The following SPTA1 variants were observed in gnomAD, a reference collection of about 807,000 sequenced individuals.
The protein encoded by SPTA1 is spectrin alpha, erythrocytic 1, also known as spectrin alpha chain, erythrocytic 1.
SPTA1 carries 177 observed loss-of-function variants against 324.7 expected under a neutral mutation model. That is an observed-to-expected ratio of 0.55 (90% CI 0.48 to 0.62). SPTA1 has a LOEUF of 0.62. Among genes scored for constraint, SPTA1 ranks in the 20% least tolerant of loss-of-function variants. SPTA1 has a pLI of 0.00. For synonymous variants in SPTA1, 1,195 were observed against 1,041.3 expected (o/e 1.15, Z -2.84); for missense variants, 3,162 against 2,883.6 (o/e 1.10, Z -2.21).
At position 158,666,520 on chromosome 1, in the gene SPTA1, AG is replaced by A. The variant is rs1282311199; in HGVS notation, c.2039-24del. On this transcript the variant is annotated intron_variant, in intron 15 of 51. Transcript: ENST00000643759. The stretch of plus-strand genomic sequence containing the variant: ...TCCCTGGGAGAAGACATAAGGTAGA[AG>A]ACATTAGGTACCATAACTATTCCTC... 3 of 1,598,822 alleles carry A rather than the reference AG, an allele frequency of 1.9e-6. No homozygotes were observed. The South Asian group carries it at 3.3e-5, about 18-fold the overall frequency.
In SPTA1 at chr1:158,662,896, C is replaced by T. The variant is rs1471399059; in HGVS notation, c.2270G>A (p.Gly757Asp). The T allele has an allele frequency of 3.1e-6, 5 of 1,613,906 alleles. No individual in the cohort carries two copies. The highest frequency in any genetic ancestry group is 3.4e-6 in the Non-Finnish European group (4 of 1,179,964). ...CCTTATATCCTTAGAATCAGGATGG[C>T]CTATTTCTTCAAAATATGCAGCCAG... ...TDLAAYFEEI[G>D]HPDSKDIRAR... The change falls in exon 17 of 52, where the codon GGC becomes GAC. Residue 757 changes from glycine (G) to aspartate (D), a missense_variant. Coordinates refer to ENST00000643759, the MANE Select transcript of SPTA1 (RefSeq NM_003126.4).
chr1:158,669,422 C>A lies in SPTA1; in HGVS notation c.1819G>T (p.Asp607Tyr). The A allele has an allele frequency of 6.2e-7, 1 of 1,614,124 alleles. No homozygotes were observed. Among genetic ancestry groups the A allele is most frequent in the Non-Finnish European group, 8.5e-7 (1 of 1,179,974 alleles). ...WINKKKKLAD[D>Y]EDYKDIQNLK... ...ACTCTGCCTACCTTGTAATCTTCAT[C>A]ATCTGCCAACTTTTTCTTCTTGTTG... Residue 607 changes from aspartate (D) to tyrosine (Y), a missense_variant, in exon 14 of 52, where the codon GAT (aspartate) becomes TAT (tyrosine). Physicochemically the swap from Asp to Tyr is radical, Grantham distance 160 (BLOSUM62 -3). Transcript: ENST00000643759.
At position 158,612,990 on chromosome 1, in the gene SPTA1, C is replaced by A. The variant is rs762456478; in HGVS notation, c.6990-29G>T. On this transcript the variant is annotated intron_variant, in intron 50 of 51. Coordinates refer to ENST00000643759, the MANE Select transcript of SPTA1 (RefSeq NM_003126.4). ...TGGGAGAAATGGATCAGGAGCTGAG[C>A]CTTCTCAAGGCAGAGAAGGAAGTCC... The A allele has an allele frequency of 1.9e-6, 3 of 1,612,498 alleles. No individual in the cohort carries two copies. The African/African-American group carries it at 4.0e-5, about 22-fold the overall frequency.
At chr1:158,622,410 T>C (rs1649975281) in intron 43 of SPTA1, among the ~76,000 whole-genome samples, 1 of 152,104 alleles carries the variant, frequency 6.6e-6, no homozygotes, top group Non-Finnish European at 1.5e-5. Context: ...CAACCATACA[T>C]ATTTATATGA....
intron 8 of SPTA1, among the ~76,000 whole-genome samples, chr1:158,674,982 C>T (rs1261978422): frequency 1.3e-5 from 2 of 152,038 alleles, no homozygotes; most frequent in Non-Finnish European, 2.9e-5. Context: ...GAGTAAGGTG[C>T]TCATAATGCA....
intron 43 of SPTA1, among the ~76,000 whole-genome samples, chr1:158,621,466 C>T (rs1649908543): frequency 6.6e-6 from 1 of 152,144 alleles, no homozygotes. Flanking sequence ...GACCTCTACA[C>T]AGAAAGGACA....
intron 10 of SPTA1, 61 bp downstream of exon 10, chr1:158,674,268 G>T: frequency 7.0e-7 from 1 of 1,436,950 alleles, no homozygotes; most frequent in Non-Finnish European, 9.8e-7. Context: ...ATATTATTGT[G>T]AGATTATGTA....
chr1:158,674,489 T>C (rs754054158), intron 9 of SPTA1, 51 bp downstream of exon 9: 1 of 1,614,068 alleles, frequency 6.2e-7, no homozygotes, highest in South Asian at 1.1e-5. Context: ...TTTCTGGCAT[T>C]CAGCCAAATA....
Position 158,683,501 on chromosome 1 carries a change from A to G in SPTA1, c.265-5T>C, listed in dbSNP as rs1203584782. 2 of 1,612,814 alleles carry G rather than the reference A, an allele frequency of 1.2e-6. No homozygotes were observed. Among genetic ancestry groups the G allele is most frequent in the Non-Finnish European group, 8.5e-7 (1 of 1,179,254 alleles). On this transcript the variant is annotated splice_polypyrimidine_tract_variant and splice_region_variant and intron_variant, in intron 2 of 51. Transcript: ENST00000643759. ...TTGATGCTTCTGATATTTCCCCTAA[A>G]GTTTAGAAATCAGAGTTTTTGTCTA... is the stretch of plus-strand genomic sequence containing the variant.
rs1652418134 is a variant in SPTA1, at chr1:158,651,375, T to C, written c.3469A>G (p.Ile1157Val). The C allele has an allele frequency of 6.2e-7, 1 of 1,613,104 alleles. No individual in the cohort carries two copies. Among genetic ancestry groups the C allele is most frequent in the Non-Finnish European group, 8.5e-7 (1 of 1,179,112 alleles). ...GAGGGAGCCTTAGTTACCTGCCGGA[T>C]TTGAGCTCCTTCTGGTGTTAGAAGT... ...EGLLTPEGAQ[I>V]RQELNSRWGS... is the part of the protein sequence containing the mutation. Residue 1157 changes from isoleucine (I) to valine (V), a missense_variant, in exon 24 of 52, where the codon ATC becomes GTC. By Grantham distance (29) the Ile-to-Val change is conservative. Transcript: ENST00000643759.
rs777062000 is a variant in SPTA1 at position 158,662,826 on chromosome 1, C to T, written c.2340G>A (p.Glu780=). 4.0e-5 allele frequency: 65 copies of T among 1,613,970 alleles called. No homozygotes were observed. In the South Asian group the frequency reaches 7.0e-4, roughly 17 times the overall value. ...GCTTCTTCTTTCGGGTGGCCAGTGG[C>T]TCTTTCAGAGCTTCAAATCGGCATA... The part of the protein sequence containing the change: ...SLVCRFEALK[E]PLATRKKKLL... Residue 780 remains glutamate (E), a synonymous_variant, in exon 17 of 52, where the codon GAG becomes GAA. Transcript: ENST00000643759.
rs1433001089 is a variant in SPTA1 at position 158,645,519 on chromosome 1, T to C, written c.3972A>G (p.Ile1324Met). The C allele has an allele frequency of 2.5e-6, 4 of 1,614,006 alleles. No individual in the cohort carries two copies. The highest frequency in any genetic ancestry group is 3.4e-6 in the Non-Finnish European group (4 of 1,179,932). ...CCTGATGTCTCTCCAGCAAGATCTC[T>C]ATGCCAGTTAAGTCTTCGGCCAGCT... Reference protein sequence around the residue: ...SQELAEDLTGIEILLERHQEH... With the variant: ...SQELAEDLTGMEILLERHQEH... The change falls in exon 28 of 52, where the codon ATA becomes ATG. Residue 1324 changes from isoleucine (I) to methionine (M), a missense_variant. Transcript: ENST00000643759.
At chr1:158,664,174 C>T (rs56297207) in intron 16 of SPTA1, among the ~76,000 whole-genome samples, 11,716 of 152,104 alleles carry the variant, frequency 0.077, 1,549 homozygotes, top group African/African-American at 0.27. Flanking sequence ...AATCCCATTA[C>T]GGGGTATATA....
At chr1:158,685,394 A>T (rs374892504) in intron 1 of SPTA1, 47 bp from the exon 2 acceptor site, 1 of 1,606,038 alleles carries the variant, frequency 6.2e-7, no homozygotes, top group African/African-American at 1.3e-5. Context: ...CAAATATTTA[A>T]CATGTTGCCC....
rs903407086 is a variant in SPTA1 at position 158,653,481 on chromosome 1, G to GGA, written c.3037-58_3037-57dup. 88 of 1,608,732 alleles carry GGA rather than the reference G, an allele frequency of 5.5e-5. No individual in the cohort carries two copies. The African/African-American group carries it at 9.9e-4, about 18-fold the overall frequency. On this transcript the variant is annotated intron_variant, in intron 21 of 51. Coordinates refer to ENST00000643759, the MANE Select transcript of SPTA1 (RefSeq NM_003126.4). The stretch of plus-strand genomic sequence containing the variant: ...TTAATTCTTGGAAAAGCAACAAACG[G>GGA]GAGAGACTTCAACACTAAGTCTCTT...
chr1:158,643,244 T>G, intron 31 of SPTA1, 78 bp downstream of exon 31: 1 of 1,502,280 alleles, frequency 6.7e-7, no homozygotes, highest in Non-Finnish European at 9.2e-7. Flanking sequence ...GCCAGAGTAT[T>G]CCCCCATCTC....
chr1:158,666,928 C>T (rs1160992175), intron 15 of SPTA1, among the ~76,000 whole-genome samples: 1 of 152,202 alleles, frequency 6.6e-6, no homozygotes, highest in Non-Finnish European at 1.5e-5. Context: ...CTGAACTTCG[C>T]TTTCCCCCCT....
chr1:158,669,920 C>A lies in SPTA1; in HGVS notation c.1600-134G>T, dbSNP rs776911243. 9.3e-5 allele frequency: 76 copies of A among 819,362 alleles called. No homozygotes were observed. The South Asian group carries it at 9.4e-4, about 10-fold the overall frequency. 50.8% of individuals were successfully genotyped at this position (819,362 alleles called of 1,614,324 possible). Reference sequence around the variant, plus strand: ...AGTTTGAAGGCCAGCAGATGTAAGTCCTTATTCAGGTTTCTGTTATAAATT... The same window carrying A: ...AGTTTGAAGGCCAGCAGATGTAAGTACTTATTCAGGTTTCTGTTATAAATT... On this transcript the variant is annotated intron_variant, in intron 12 of 51. Coordinates refer to ENST00000643759, the MANE Select transcript of SPTA1 (RefSeq NM_003126.4).
At chr1:158,663,706 T>A (rs1055214629) in intron 16 of SPTA1, among the ~76,000 whole-genome samples, 5 of 152,086 alleles carry the variant, frequency 3.3e-5, no homozygotes, top group Non-Finnish European at 7.4e-5. Context: ...GAGTGGCACA[T>A]AAGCAAGTGA....
Sources: allele counts gnomAD v4.1 joint callset (sites outside exome capture counted in the v4.1 genomes callset), GRCh38; gene constraint gnomAD v4.1.1; transcripts MANE v1.5; gene names NCBI Gene and HGNC (gene_info 2026-07-23, HGNC 2026-07-21).